FANCM: variants seen among roughly 807,000 people sequenced by gnomAD.
The protein encoded by FANCM is Fanconi anemia group M protein.
In FANCM, 140 loss-of-function variants were observed where a neutral mutation model predicts 199.5. The observed-to-expected ratio is 0.70, with a 90% CI of 0.61 to 0.81. FANCM has a LOEUF of 0.81. Among genes scored for constraint, FANCM ranks in the 30% least tolerant of loss-of-function variants. The pLI is 0.00. For synonymous variants in FANCM, 840 were observed against 836.8 expected (o/e 1.00, Z -0.07); for missense variants, 2,410 against 2,421.4 (o/e 1.00, Z 0.10).
intron 9 of FANCM, among the ~76,000 whole-genome samples, chr14:45,163,640 A>G (rs1023972295): frequency 6.6e-6 from 1 of 152,240 alleles, no homozygotes; most frequent in Non-Finnish European, 1.5e-5. Context: ...ACATTCTTAC[A>G]AATATTATAA....
chr14:45,192,268 A>T (rs992304275), intron 20 of FANCM, among the ~76,000 whole-genome samples: 1 of 152,226 alleles, frequency 6.6e-6, no homozygotes, highest in African/African-American at 2.4e-5. Context: ...AGTTAGGCTG[A>T]TATTTAAGGA....
rs773595869 is a variant in FANCM, at chr14:45,198,719, G to A, written c.5792G>A (p.Arg1931Gln). The A allele has an allele frequency of 1.1e-5, 18 of 1,613,798 alleles. No individual in the cohort carries two copies. The highest frequency in any genetic ancestry group is 1.7e-5 in the Admixed American group (1 of 60,000). The change falls in exon 22 of 23, where the codon CGA (arginine) becomes CAA (glutamine). Residue 1931 changes from arginine (R) to glutamine (Q), a missense_variant. By Grantham distance (43) the Arg-to-Gln change is conservative (BLOSUM62 1). Transcript: ENST00000267430. ...LLTTLIGAGI[R>Q]ILFSSCQEET... ...ACTACCTTAATTGGCGCTGGAATCCGAATTCTTTTCAGTTCCTGCCAAGAA... is the reference window on the plus strand; with the variant it reads ...ACTACCTTAATTGGCGCTGGAATCCAAATTCTTTTCAGTTCCTGCCAAGAA...
intron 17 of FANCM, among the ~76,000 whole-genome samples, 183 bp from the exon 18 acceptor site, chr14:45,185,034 G>A (rs577130338): frequency 6.6e-6 from 1 of 151,508 alleles, no homozygotes; most frequent in African/African-American, 2.4e-5. Flanking sequence ...CACCTGCTTC[G>A]GCCTCCCATA....
intron 2 of FANCM, chr14:45,137,504 G>A (rs553356813): frequency 8.9e-5 from 40 of 447,650 alleles, no homozygotes; most frequent in Admixed American, 2.9e-4. Context: ...AGTGTCAGAT[G>A]TAGATCATGA....
chr14:45,155,877 G>T (rs984936696), intron 8 of FANCM, among the ~76,000 whole-genome samples: 3 of 140,762 alleles, frequency 2.1e-5, no homozygotes, highest in African/African-American at 9.2e-5. Context: ...TGGAGAAGGT[G>T]GGCTTTTAAT....
Position 45,175,806 on chromosome 14 carries a change from G to C in FANCM, c.3052G>C (p.Glu1018Gln). 6.2e-7 allele frequency: 1 copy of C among 1,613,840 alleles called. No individual in the cohort carries two copies. The highest frequency in any genetic ancestry group is 8.5e-7 in the Non-Finnish European group (1 of 1,179,944). Residue 1018 changes from glutamate to glutamine, a missense_variant, in exon 14 of 23, where the codon GAG (glutamate) becomes CAG (glutamine). By Grantham distance (29) the Glu-to-Gln change is conservative. Transcript: ENST00000267430. Reference protein sequence around the residue: ...EYEIAKGTALENLLFLPCAEH... With the variant: ...EYEIAKGTALQNLLFLPCAEH... ...TGAAATTGCTAAGGGTACTGCACTT[G>C]AGAATTTGCTTTTCTTACCCTGTGC...
At chr14:45,144,723 C>T (rs530993410) in intron 3 of FANCM, among the ~76,000 whole-genome samples, 2 of 152,276 alleles carry the variant, frequency 1.3e-5, no homozygotes, top group African/African-American at 4.8e-5. Context: ...GCCTGGGACT[C>T]ACCCTTCAGA....
chr14:45,177,642 T>C (rs1281964676), intron 14 of FANCM, among the ~76,000 whole-genome samples: 1 of 152,152 alleles, frequency 6.6e-6, no homozygotes, highest in Non-Finnish European at 1.5e-5. Flanking sequence ...TCCACCCGCC[T>C]CACCCTCCCA....
In FANCM at chr14:45,137,313, A is replaced by C. The variant is rs369858493; in HGVS notation, c.681+72A>C. On this transcript the variant is annotated intron_variant, in intron 2 of 22. Transcript: ENST00000267430. ...AAGAGAATTTTGGCGAATAGTTACT[A>C]GTGATGGAAGTTATTGACAATATTA... 9.8e-5 allele frequency: 114 copies of C among 1,163,380 alleles called. 1 individual carries two copies. In the East Asian group the frequency reaches 2.2e-3, roughly 23 times the overall value. 72.1% of individuals were successfully genotyped at this position (1,163,380 alleles called of 1,614,324 possible).
At chr14:45,199,752 G>C in intron 22 of FANCM, 118 bp from the exon 23 acceptor site, 1 of 850,990 alleles carries the variant, frequency 1.2e-6, no homozygotes, top group South Asian at 1.4e-5. Context: ...TCAGCTGGGC[G>C]GATAATGCTT....
At chr14:45,144,276 C>T (rs1886198617) in intron 3 of FANCM, among the ~76,000 whole-genome samples, 1 of 152,034 alleles carries the variant, frequency 6.6e-6, no homozygotes, top group Admixed American at 6.6e-5. Flanking sequence ...CTTATTTATT[C>T]TATTTTTTTG....
chr14:45,154,678 C>G lies in FANCM; in HGVS notation c.1184-19C>G, dbSNP rs1433406562. On this transcript the variant is annotated intron_variant, in intron 6 of 22. Transcript: ENST00000267430. ...GTTTTATTATTATTTATTTGAAAAC[C>G]TTTTCTTAATTTCTGAAGGGATGAC... 3 of 1,527,652 alleles carry G rather than the reference C, an allele frequency of 2.0e-6. No individual in the cohort carries two copies. Among genetic ancestry groups the G allele is most frequent in the African/African-American group, 1.4e-5 (1 of 73,062 alleles). The allele number at this position is 1,527,652 out of a possible 1,614,324, so 94.6% of individuals were successfully genotyped here.
chr14:45,156,613 C>T (rs879419531), intron 8 of FANCM, among the ~76,000 whole-genome samples: 11 of 151,926 alleles, frequency 7.2e-5, no homozygotes, highest in Non-Finnish European at 7.4e-5. Context: ...ATGGATTAGA[C>T]GTATGGTATA....
chr14:45,194,268 C>T (rs1388803611), intron 20 of FANCM, among the ~76,000 whole-genome samples: 1 of 150,818 alleles, frequency 6.6e-6, no homozygotes, highest in Non-Finnish European at 1.5e-5. Flanking sequence ...CACCATTGCA[C>T]TCCAGCCTGG....
In FANCM at chr14:45,176,301, T is replaced by C. The variant is rs142667852; in HGVS notation, c.3547T>C (p.Leu1183=). The change falls in exon 14 of 23, where the codon TTG becomes CTG. Residue 1183 remains leucine (L), a synonymous_variant. Coordinates refer to ENST00000267430, the MANE Select transcript of FANCM (RefSeq NM_020937.4). ...TCAGTTCTTAATTTCTGATGAACTT[T>C]TGTTGGACAATAATTCTGAACTCCA... ...VSQFLISDEL[L]LDNNSELQDQ... 868 of 1,614,082 alleles carry C rather than the reference T, an allele frequency of 5.4e-4. 5 individuals carry two copies. The African/African-American group carries it at 0.01, about 19-fold the overall frequency.
At chr14:45,194,625 G>A (rs7141145) in intron 20 of FANCM, among the ~76,000 whole-genome samples, 37,451 of 151,886 alleles carry the variant, frequency 0.25, 7,304 homozygotes, top group African/African-American at 0.54. Flanking sequence ...GTAATAATTT[G>A]TTCAACATTT....
Position 45,166,994 on chromosome 14 carries a change from T to C in FANCM, c.1833T>C (p.Ala611=), listed in dbSNP as rs1430386697. The C allele has an allele frequency of 6.2e-7, 1 of 1,607,366 alleles. No homozygotes were observed. The change falls in exon 11 of 23, where the codon GCT becomes GCC. Residue 611 remains alanine, a synonymous_variant. Transcript: ENST00000267430. ...CCAACAAAAGAAGTATATATAAAGC[T>C]ATTTCAAGTAACAGGCAGGTCCTTC... ...SQSNKRSIYK[A]ISSNRQVLHF...
chr14:45,136,687 G>A, intron 1 of FANCM, 148 bp downstream of exon 1: 1 of 780,464 alleles, frequency 1.3e-6, no homozygotes, highest in Non-Finnish European at 2.2e-6. Context: ...GAATAGGGTT[G>A]CTTTATTCAA....
chr14:45,183,139 A>T (rs1385472633), intron 16 of FANCM, among the ~76,000 whole-genome samples: 1 of 152,188 alleles, frequency 6.6e-6, no homozygotes. Context: ...ACTTCATTAG[A>T]AAAACAACTT....
Sources: gnomAD v4.1 joint callset for allele counts (sites outside exome capture counted in the v4.1 genomes callset) on GRCh38, gnomAD v4.1.1 for gene constraint, MANE v1.5 for transcripts, NCBI Gene and HGNC (gene_info 2026-07-23, HGNC 2026-07-21) for gene names.